The following RAPH1 variants were observed in gnomAD, a reference collection of about 807,000 sequenced individuals.
RAPH1 encodes Ras association (RalGDS/AF-6) and pleckstrin homology domains 1, also known as ras-associated and pleckstrin homology domains-containing protein 1.
Under a neutral mutation model 88.1 loss-of-function variants are expected in RAPH1, and 18 were observed. The ratio of observed to expected loss-of-function variants is 0.20; its 90% confidence interval spans 0.14 to 0.30. The LOEUF (loss-of-function observed/expected upper bound fraction) is 0.30. RAPH1 is among the 10% of genes least tolerant of loss of function. The pLI is 1.00. For missense variants in RAPH1, 1,448 were observed against 1,543.2 expected (o/e 0.94, Z 1.03); for synonymous variants, 587 against 559.0 (o/e 1.05, Z -0.71).
Position 203,435,476 on chromosome 2 carries a change from G to A in RAPH1, c.*3961C>T, listed in dbSNP as rs180894982. 1 of 151,704 alleles carries A rather than the reference G, an allele frequency of 6.6e-6. No individual in the cohort carries two copies. Among genetic ancestry groups the A allele is most frequent in the East Asian group, 1.9e-4 (1 of 5,178 alleles). The allele number at this position is 151,704 out of a possible 1,614,324, so 9.4% of individuals were successfully genotyped here. A position where few individuals can be genotyped will look rare whatever the true frequency, so the allele number is the denominator to read the frequency against. On this transcript the variant is annotated 3_prime_UTR_variant, in exon 14 of 14. Transcript: ENST00000319170. The stretch of plus-strand genomic sequence containing the variant: ...TGTGAGAGGTCATACATTTCTACAG[G>A]GTTAGGAGTACCCTGCATAATTTAT...
chr2:203,488,616 A>AAC (rs1688099959), intron 4 of RAPH1, among the ~76,000 whole-genome samples: 2 of 149,436 alleles, frequency 1.3e-5, no homozygotes, highest in African/African-American at 5.0e-5. Flanking sequence ...AAAAAAAAAA[A>AAC]AACCTGTTTA....
intron 4 of RAPH1, among the ~76,000 whole-genome samples, chr2:203,482,916 A>G (rs945159648): frequency 3.3e-5 from 5 of 152,358 alleles, no homozygotes; most frequent in Admixed American, 3.3e-4. Context: ...AGAAAGTGAC[A>G]TTTGAGCAAA....
In RAPH1 at chr2:203,470,141, G is replaced by C. The variant is rs567755609; in HGVS notation, c.733-8216C>G. 26 of 739,322 alleles carry C rather than the reference G, an allele frequency of 3.5e-5. No homozygotes were observed. The South Asian group carries it at 4.8e-4, about 14-fold the overall frequency. The allele number at this position is 739,322 out of a possible 1,614,324, so 45.8% of individuals were successfully genotyped here. On this transcript the variant is annotated intron_variant, in intron 4 of 13. Coordinates refer to ENST00000319170, the MANE Select transcript of RAPH1 (RefSeq NM_213589.3). ...AAGTATATTAATGACAAAGATGCTA[G>C]AGTAAGAAAATAATAATATAAGAGC... is the stretch of plus-strand genomic sequence containing the variant.
chr2:203,456,392 T>C (rs771384000), intron 8 of RAPH1, among the ~76,000 whole-genome samples: 146 of 152,174 alleles, frequency 9.6e-4, no homozygotes, highest in South Asian at 6.2e-4. Flanking sequence ...TGATTAAACT[T>C]TAAGAATTTA....
chr2:203,504,288 C>T (rs1349995315), intron 1 of RAPH1, among the ~76,000 whole-genome samples: 1 of 152,224 alleles, frequency 6.6e-6, no homozygotes, highest in Admixed American at 6.5e-5. Context: ...TGTTTCTATA[C>T]ATCTTCTGAA....
At chr2:203,523,877 G>A (rs768561325) in intron 1 of RAPH1, among the ~76,000 whole-genome samples, 11 of 152,056 alleles carry the variant, frequency 7.2e-5, no homozygotes, top group Non-Finnish European at 1.3e-4. Context: ...GGTGGCATGC[G>A]CCTGTAGTCC....
chr2:203,447,769 A>G, intron 12 of RAPH1, 190 bp downstream of exon 12: 1 of 435,584 alleles, frequency 2.3e-6, no homozygotes, highest in Non-Finnish European at 4.0e-6. Context: ...CATTTCAAAT[A>G]CATTTGTGAA....
At chr2:203,530,787 G>C (rs988586301) in intron 1 of RAPH1, among the ~76,000 whole-genome samples, 4 of 152,040 alleles carry the variant, frequency 2.6e-5, no homozygotes, top group Non-Finnish European at 5.9e-5. Flanking sequence ...AGCTACTCGG[G>C]AGGCTGAGGC....
At chr2:203,483,012 C>G (rs1212776509) in intron 4 of RAPH1, among the ~76,000 whole-genome samples, 1 of 152,088 alleles carries the variant, frequency 6.6e-6, no homozygotes, top group Non-Finnish European at 1.5e-5. Context: ...GGCTAAGAGG[C>G]AGGCTCTGGC....
At chr2:203,460,334 T>G (rs1485314826) in intron 6 of RAPH1, among the ~76,000 whole-genome samples, 3 of 152,172 alleles carry the variant, frequency 2.0e-5, no homozygotes, top group Non-Finnish European at 4.4e-5. Flanking sequence ...AATAAAACAT[T>G]AGTTACATCT....
chr2:203,491,123 C>G (rs1262087451), intron 3 of RAPH1, 91 bp downstream of exon 3: 19 of 677,996 alleles, frequency 2.8e-5, no homozygotes, highest in Non-Finnish European at 4.2e-5. Flanking sequence ...GCTTTTATAT[C>G]GAGTTTTTAT....
intron 10 of RAPH1, among the ~76,000 whole-genome samples, chr2:203,451,902 G>A (rs1293000898): frequency 2.0e-5 from 3 of 152,134 alleles, no homozygotes; most frequent in Non-Finnish European, 4.4e-5. Flanking sequence ...TCAAAAGGAG[G>A]GTGGTTGAGT....
chr2:203,533,912 T>C (rs149210909), intron 1 of RAPH1, among the ~76,000 whole-genome samples: 55 of 152,314 alleles, frequency 3.6e-4, no homozygotes, highest in African/African-American at 1.3e-3. Context: ...GGGAACGTAC[T>C]GCAGAGTTCA....
At chr2:203,468,200 T>G (rs1468768452) in intron 4 of RAPH1, among the ~76,000 whole-genome samples, 1 of 152,196 alleles carries the variant, frequency 6.6e-6, no homozygotes, top group African/African-American at 2.4e-5. Context: ...AATGGATAAA[T>G]GAAGTTATTT....
chr2:203,522,895 C>CA (rs59862473), intron 1 of RAPH1, among the ~76,000 whole-genome samples: 991 of 85,650 alleles, frequency 0.012, 10 homozygotes, highest in African/African-American at 0.027. Flanking sequence ...GACTCTGTCT[C>CA]AAAAAAAAAA....
At chr2:203,501,689 A>G (rs1688745197) in intron 1 of RAPH1, among the ~76,000 whole-genome samples, 1 of 152,146 alleles carries the variant, frequency 6.6e-6, no homozygotes, top group South Asian at 2.1e-4. Context: ...TGCTTTTTAT[A>G]TATCCATCAC....
intron 4 of RAPH1, among the ~76,000 whole-genome samples, chr2:203,482,175 T>C (rs1309571768): frequency 6.6e-6 from 1 of 152,140 alleles, no homozygotes; most frequent in Non-Finnish European, 1.5e-5. Flanking sequence ...ATCTGATACC[T>C]ATTCCTTTAT....
chr2:203,501,765 T>C (rs1370592585), intron 1 of RAPH1, among the ~76,000 whole-genome samples: 1 of 139,848 alleles, frequency 7.2e-6, no homozygotes, highest in Admixed American at 7.6e-5. Flanking sequence ...CTACTTAGGA[T>C]CCAAACCTTC....
intron 2 of RAPH1, among the ~76,000 whole-genome samples, chr2:203,492,852 G>T (rs537658772): frequency 6.6e-6 from 1 of 151,374 alleles, no homozygotes; most frequent in African/African-American, 2.4e-5. Context: ...GGGTTGCTGA[G>T]AATTTTATAA....
Sources: allele counts gnomAD v4.1 joint callset (sites outside exome capture counted in the v4.1 genomes callset), GRCh38; gene constraint gnomAD v4.1.1; transcripts MANE v1.5; gene names NCBI Gene and HGNC (gene_info 2026-07-23, HGNC 2026-07-21).